The following NTRK2 variants were observed in gnomAD, a reference collection of about 807,000 sequenced individuals.
The protein encoded by NTRK2 is neurotrophic receptor tyrosine kinase 2.
A neutral mutation model predicts 94.5 loss-of-function variants in NTRK2; 13 were observed. The observed-to-expected ratio is 0.14, with a 90% CI of 0.09 to 0.22. The LOEUF is 0.22. NTRK2 is among the 10% of genes least tolerant of loss of function. NTRK2 has a pLI of 1.00. For synonymous variants in NTRK2, 372 were observed against 407.4 expected (o/e 0.91, Z 1.05); for missense variants, 639 against 1,071.2 (o/e 0.60, Z 5.63).
intron 12 of NTRK2, among the ~76,000 whole-genome samples, chr9:84,784,587 G>C (rs374292998): frequency 2.0e-5 from 3 of 152,274 alleles, no homozygotes; most frequent in Admixed American, 6.5e-5. Context: ...GAGAGACAGA[G>C]GACCTCCATT....
intron 6 of NTRK2, among the ~76,000 whole-genome samples, chr9:84,711,820 C>T (rs144193285): frequency 6.5e-4 from 99 of 152,298 alleles, no homozygotes; most frequent in African/African-American, 1.8e-3. Context: ...CCTTAGAAGA[C>T]GGCCCTGACC....
chr9:84,788,471 T>G (rs1365190696), intron 12 of NTRK2, among the ~76,000 whole-genome samples: 1 of 152,168 alleles, frequency 6.6e-6, no homozygotes, highest in Non-Finnish European at 1.5e-5. Flanking sequence ...GTCATCAATG[T>G]CTATCTGAGG....
intron 15 of NTRK2, among the ~76,000 whole-genome samples, chr9:84,942,001 C>G (rs2078426487): frequency 6.6e-6 from 1 of 152,132 alleles, no homozygotes; most frequent in African/African-American, 2.4e-5. Flanking sequence ...AACACCCTGG[C>G]TATAAATCTT....
At chr9:84,781,492 C>T (rs7020597) in intron 12 of NTRK2, among the ~76,000 whole-genome samples, 12,986 of 152,122 alleles carry the variant, frequency 0.085, 996 homozygotes, top group African/African-American at 0.2. Flanking sequence ...CATTAAAGAC[C>T]TAGCCTTTTT....
At chr9:84,901,653 C>G (rs1229689247) in intron 14 of NTRK2, among the ~76,000 whole-genome samples, 1 of 152,156 alleles carries the variant, frequency 6.6e-6, no homozygotes, top group African/African-American at 2.4e-5. Context: ...TCATCTGTCT[C>G]TTCATAACCC....
chr9:84,820,796 G>A (rs1482678517), intron 12 of NTRK2, among the ~76,000 whole-genome samples: 1 of 152,286 alleles, frequency 6.6e-6, no homozygotes, highest in East Asian at 1.9e-4. Flanking sequence ...TCCATCTTTG[G>A]CCTTATGGGC....
At chr9:84,750,199 AG>A (rs2064459767) in intron 11 of NTRK2, among the ~76,000 whole-genome samples, 1 of 151,604 alleles carries the variant, frequency 6.6e-6, no homozygotes, top group African/African-American at 2.4e-5. Context: ...ACTAGGTGCT[AG>A]TAGTACTTTC....
chr9:84,964,320 A>G (rs1306635790), intron 17 of NTRK2, among the ~76,000 whole-genome samples: 1 of 152,190 alleles, frequency 6.6e-6, no homozygotes, highest in Non-Finnish European at 1.5e-5. Flanking sequence ...ATTTCCCACT[A>G]TTGAGGCAAG....
intron 12 of NTRK2, among the ~76,000 whole-genome samples, chr9:84,759,358 G>A (rs1459223206): frequency 6.6e-6 from 1 of 152,202 alleles, no homozygotes; most frequent in Non-Finnish European, 1.5e-5. Context: ...CTAAGAATTG[G>A]CTAGAGTAGC....
chr9:84,788,065 A>G (rs534996976), intron 12 of NTRK2, among the ~76,000 whole-genome samples: 101 of 152,334 alleles, frequency 6.6e-4, no homozygotes, highest in Admixed American at 1.7e-3. Flanking sequence ...AAAGCTTGGC[A>G]TATGGTTTGT....
chr9:84,950,853 T>C (rs1203709156), intron 16 of NTRK2, among the ~76,000 whole-genome samples: 1 of 152,174 alleles, frequency 6.6e-6, no homozygotes, highest in African/African-American at 2.4e-5. Context: ...AATTTCCTCT[T>C]CATTTTGGTT....
At chr9:84,984,421 G>A (rs1234752827) in intron 17 of NTRK2, among the ~76,000 whole-genome samples, 1 of 152,086 alleles carries the variant, frequency 6.6e-6, no homozygotes, top group Non-Finnish European at 1.5e-5. Context: ...GTAGTTAGCT[G>A]AGATCACACC....
At chr9:84,970,727 G>A (rs149610493) in intron 17 of NTRK2, among the ~76,000 whole-genome samples, 30 of 152,270 alleles carry the variant, frequency 2.0e-4, no homozygotes, top group South Asian at 4.2e-4. Flanking sequence ...CATGTCCAAG[G>A]CAATCCCCCA....
rs192257252 is a variant in NTRK2 at position 84,952,146 on chromosome 9, C to T, written c.1938-3137C>T. 3.3e-5 allele frequency among the ~76,000 whole-genome samples: 5 copies of T among 152,318 alleles called. No homozygotes were observed. The East Asian group carries it at 7.7e-4, about 24-fold the overall frequency. ...GTTTCAGGGTATAAACCATCCTTGCCGTCATTCCTACGTTACAGTTGGGGA... is the reference window on the plus strand; with the variant it reads ...GTTTCAGGGTATAAACCATCCTTGCTGTCATTCCTACGTTACAGTTGGGGA... On this transcript the variant is annotated intron_variant, in intron 16 of 18. Coordinates refer to ENST00000277120, the MANE Select transcript of NTRK2 (RefSeq NM_006180.6).
At position 84,881,048 on chromosome 9, in the gene NTRK2, C is replaced by T. The variant is rs1003729515; in HGVS notation, c.1633+13617C>T. Among the ~76,000 whole-genome samples the T allele has an allele frequency of 9.9e-5, 15 of 152,256 alleles. 1 individual carries two copies. In the South Asian group the frequency reaches 3.1e-3, roughly 32 times the overall value. ...CAGCCCTTTGGGGTGGAGATGCAGC[C>T]AGAGAGTGGTTTGGAGAAACTAATT... On this transcript the variant is annotated intron_variant, in intron 14 of 18. Coordinates refer to ENST00000277120, the MANE Select transcript of NTRK2 (RefSeq NM_006180.6).
chr9:84,744,303 T>C (rs1231420436), intron 10 of NTRK2, among the ~76,000 whole-genome samples: 1 of 152,178 alleles, frequency 6.6e-6, no homozygotes, highest in East Asian at 1.9e-4. Context: ...GCGTTAACAA[T>C]TCTAAGTATT....
intron 2 of NTRK2, among the ~76,000 whole-genome samples, chr9:84,695,388 A>G (rs2060314650): frequency 1.3e-5 from 2 of 152,256 alleles, no homozygotes; most frequent in Admixed American, 1.3e-4. Context: ...TTGTTAAAGC[A>G]AATGTGAAAC....
intron 6 of NTRK2, among the ~76,000 whole-genome samples, chr9:84,711,481 A>T (rs1327318761): frequency 1.3e-5 from 2 of 152,200 alleles, no homozygotes; most frequent in East Asian, 3.8e-4. Context: ...GGATTTTACT[A>T]GTCTTCAGTG....
chr9:84,886,599 A>C lies in NTRK2; in HGVS notation c.1633+19168A>C, dbSNP rs77776264. On this transcript the variant is annotated intron_variant, in intron 14 of 18. Coordinates refer to ENST00000277120, the MANE Select transcript of NTRK2 (RefSeq NM_006180.6). ...TCTCTTTTTCTGTTCTGTTGCTGCA[A>C]AGTGGTATCTGAGGCCTGCCACTGG... is the stretch of plus-strand genomic sequence containing the variant. Among the ~76,000 whole-genome samples the C allele has an allele frequency of 4.7e-3, 711 of 152,272 alleles. 13 individuals carry two copies. The highest frequency in any genetic ancestry group is 0.038 in the Admixed American group (577 of 15,300).
Sources: gnomAD v4.1 joint callset for allele counts (sites outside exome capture counted in the v4.1 genomes callset) on GRCh38, gnomAD v4.1.1 for gene constraint, MANE v1.5 for transcripts, NCBI Gene and HGNC (gene_info 2026-07-23, HGNC 2026-07-21) for gene names.